Variants in C8orf34 observed in about 807,000 individuals in gnomAD.
C8orf34 encodes the protein uncharacterized protein C8orf34.
Under a neutral mutation model 68.3 loss-of-function variants are expected in C8orf34, and 65 were observed. The observed-to-expected ratio is 0.95, with a 90% CI of 0.78 to 1.17. The LOEUF (loss-of-function observed/expected upper bound fraction) is 1.17. C8orf34 is among the 50% of genes most tolerant of loss of function. The pLI is 0.00. For missense variants in C8orf34, 664 were observed against 655.4 expected, an observed-to-expected ratio of 1.01 and a Z score of -0.14; for synonymous variants, 244 against 241.2, an observed-to-expected ratio of 1.01 and a Z score of -0.11.
chr8:68,427,619 CTG>C (rs951272387), intron 1 of C8orf34, among the ~76,000 whole-genome samples: 4 of 151,992 alleles, frequency 2.6e-5, no homozygotes, highest in Admixed American at 6.6e-5. Context: ...ATCATCTTGA[CTG>C]TGGCAGTGGT....
intron 8 of C8orf34, among the ~76,000 whole-genome samples, chr8:68,704,800 A>G (rs1225525003): frequency 1.3e-5 from 2 of 150,438 alleles, no homozygotes; most frequent in Non-Finnish European, 3.0e-5. Context: ...ATTGAGAGCA[A>G]CATGAGTATA....
At chr8:68,567,251 T>A (rs985856774) in intron 7 of C8orf34, among the ~76,000 whole-genome samples, 1 of 152,254 alleles carries the variant, frequency 6.6e-6, no homozygotes. Flanking sequence ...TGAATCTATC[T>A]GGTGCTGGAC....
rs139024584 is a variant in C8orf34, at chr8:68,627,017, T to C, written c.1106-13359T>C. Among the ~76,000 whole-genome samples the C allele has an allele frequency of 8.4e-3, 1,273 of 152,248 alleles. 20 individuals carry two copies. Among genetic ancestry groups the C allele is most frequent in the African/African-American group, 0.028 (1,153 of 41,558 alleles). On this transcript the variant is annotated intron_variant, in intron 7 of 13. Coordinates refer to ENST00000518698, the MANE Select transcript of C8orf34 (RefSeq NM_052958.4). Reference sequence around the variant, plus strand: ...CGAATTGAATAAATATACTTTAAAATGGTAATTAAAATGATGAGCTTTTGC... The same window carrying C: ...CGAATTGAATAAATATACTTTAAAACGGTAATTAAAATGATGAGCTTTTGC...
intron 10 of C8orf34, among the ~76,000 whole-genome samples, chr8:68,739,224 T>C (rs1822210931): frequency 6.6e-6 from 1 of 152,110 alleles, no homozygotes; most frequent in Admixed American, 6.5e-5. Context: ...AGAAAAGGCT[T>C]TCAATAAAAT....
intron 12 of C8orf34, among the ~76,000 whole-genome samples, chr8:68,797,113 C>T (rs575721985): frequency 2.0e-5 from 3 of 152,312 alleles, no homozygotes; most frequent in African/African-American, 7.2e-5. Flanking sequence ...TGGCGTGAGC[C>T]ACCGCACCCA....
At chr8:68,535,344 T>G in intron 7 of C8orf34, 1 of 983,376 alleles carries the variant, frequency 1.0e-6, no homozygotes, top group Non-Finnish European at 1.2e-6. Flanking sequence ...TTGTAAATGT[T>G]TAACTTGTCT....
chr8:68,638,752 A>C (rs1238095198), intron 7 of C8orf34, among the ~76,000 whole-genome samples: 1 of 151,752 alleles, frequency 6.6e-6, no homozygotes, highest in Non-Finnish European at 1.5e-5. Context: ...TATTTCTGCC[A>C]TCTGGACTAA....
intron 6 of C8orf34, chr8:68,525,404 T>C (rs946494103): frequency 2.8e-6 from 1 of 357,854 alleles, no homozygotes; most frequent in South Asian, 6.1e-5. Context: ...ACAAAAATTA[T>C]ACCTCATAAC....
intron 8 of C8orf34, among the ~76,000 whole-genome samples, chr8:68,699,274 A>T (rs1389315237): frequency 6.6e-6 from 1 of 152,110 alleles, no homozygotes; most frequent in Non-Finnish European, 1.5e-5. Context: ...CTGAAAGCAC[A>T]CTCACACTTC....
chr8:68,382,735 C>G (rs1052618590), intron 1 of C8orf34, among the ~76,000 whole-genome samples: 2 of 152,216 alleles, frequency 1.3e-5, no homozygotes, highest in Non-Finnish European at 1.5e-5. Context: ...AAAAGTTGAA[C>G]ATTCTCAGGA....
At chr8:68,770,354 T>G (rs921125205) in intron 10 of C8orf34, among the ~76,000 whole-genome samples, 1 of 152,330 alleles carries the variant, frequency 6.6e-6, no homozygotes, top group South Asian at 2.1e-4. Context: ...CTATTTTTTG[T>G]ACGTAATAGT....
At chr8:68,439,847 C>T (rs1810826484) in intron 2 of C8orf34, among the ~76,000 whole-genome samples, 1 of 152,096 alleles carries the variant, frequency 6.6e-6, no homozygotes, top group South Asian at 2.1e-4. Context: ...TCTCAAAATA[C>T]AAGAATCAGC....
intron 1 of C8orf34, among the ~76,000 whole-genome samples, chr8:68,359,993 G>A (rs1266156991): frequency 6.6e-6 from 1 of 152,106 alleles, no homozygotes; most frequent in African/African-American, 2.4e-5. Context: ...ACATTTCATG[G>A]AGGTGATCTT....
chr8:68,419,156 A>G (rs1443614156), intron 1 of C8orf34, among the ~76,000 whole-genome samples: 1 of 152,128 alleles, frequency 6.6e-6, no homozygotes, highest in East Asian at 1.9e-4. Flanking sequence ...CCCCATCAAG[A>G]AGTGGGCGAA....
chr8:68,681,873 T>C (rs991849185), intron 8 of C8orf34, among the ~76,000 whole-genome samples: 24 of 152,174 alleles, frequency 1.6e-4, no homozygotes, highest in African/African-American at 5.1e-4. Context: ...ACAATATGGA[T>C]GGAACTGGAG....
At chr8:68,702,749 G>A (rs533014025) in intron 8 of C8orf34, among the ~76,000 whole-genome samples, 26 of 152,040 alleles carry the variant, frequency 1.7e-4, no homozygotes, top group East Asian at 1.2e-3. Flanking sequence ...TCGACATCAG[G>A]GAATTTTTTA....
intron 8 of C8orf34, among the ~76,000 whole-genome samples, chr8:68,655,823 A>C (rs1819496546): frequency 6.6e-6 from 1 of 152,180 alleles, no homozygotes; most frequent in Admixed American, 6.5e-5. Context: ...TGTGTTTATC[A>C]ATTATAAGGA....
At chr8:68,753,368 A>G (rs1822760047) in intron 10 of C8orf34, among the ~76,000 whole-genome samples, 1 of 152,226 alleles carries the variant, frequency 6.6e-6, no homozygotes, top group Non-Finnish European at 1.5e-5. Context: ...GTGGAAAGTG[A>G]AATGGTTTTA....
intron 1 of C8orf34, among the ~76,000 whole-genome samples, chr8:68,402,997 G>C (rs1033243199): frequency 2.6e-5 from 4 of 152,150 alleles, no homozygotes; most frequent in African/African-American, 9.7e-5. Flanking sequence ...GGAAGCAGCA[G>C]GCAGGGAAAC....
Sources: allele counts gnomAD v4.1 joint callset (sites outside exome capture counted in the v4.1 genomes callset), GRCh38; gene constraint gnomAD v4.1.1; transcripts MANE v1.5; gene names NCBI Gene and HGNC (gene_info 2026-07-23, HGNC 2026-07-21).